Variants in ANK2 observed in about 807,000 individuals in gnomAD.
The protein encoded by ANK2 is ankyrin-2.
A neutral mutation model predicts 360.5 loss-of-function variants in ANK2; 83 were observed. The observed-to-expected ratio is 0.23, with a 90% confidence interval of 0.19 to 0.28. ANK2 has a LOEUF of 0.28. Ranked by LOEUF, ANK2 falls within the 10% of genes least tolerant of loss-of-function variation. The probability of loss-of-function intolerance (pLI) is 1.00; values close to 1 mark genes in which losing one functional copy is unlikely to be tolerated. For missense variants in ANK2, 4,201 were observed against 4,795.7 expected, an observed-to-expected ratio of 0.88 and a Z score of 3.66; for synonymous variants, 1,740 against 1,759.5, an observed-to-expected ratio of 0.99 and a Z score of 0.28.
At chr4:113,091,343 A>G (rs2087967676) in intron 1 of ANK2, among the ~76,000 whole-genome samples, 1 of 152,230 alleles carries the variant, frequency 6.6e-6, no homozygotes, top group Admixed American at 6.5e-5. Flanking sequence ...TCAGGAATTT[A>G]GGCAAACTAA....
intron 2 of ANK2, among the ~76,000 whole-genome samples, chr4:112,996,122 A>G (rs2048425221): frequency 6.6e-6 from 1 of 152,226 alleles, no homozygotes; most frequent in African/African-American, 2.4e-5. Context: ...CTATTAATAC[A>G]TGCAATAACA....
At chr4:112,956,696 CTTGA>C (rs1191116271) in intron 2 of ANK2, among the ~76,000 whole-genome samples, 1 of 152,188 alleles carries the variant, frequency 6.6e-6, no homozygotes, top group East Asian at 1.9e-4. Flanking sequence ...GTTTTCAGAA[CTTGA>C]TTGATTGATG....
intron 2 of ANK2, among the ~76,000 whole-genome samples, chr4:112,925,600 T>C (rs182342523): frequency 2.6e-5 from 4 of 152,306 alleles, no homozygotes; most frequent in Admixed American, 6.5e-5. Flanking sequence ...TTCCCAATAA[T>C]AGTGATAGTA....
At chr4:113,280,267 C>T (rs2061784750) in intron 17 of ANK2, among the ~76,000 whole-genome samples, 1 of 152,072 alleles carries the variant, frequency 6.6e-6, no homozygotes, top group Non-Finnish European at 1.5e-5. Flanking sequence ...TAAGAGAAGA[C>T]CTAGATTATA....
chr4:112,952,185 A>C (rs1444731276), intron 2 of ANK2, among the ~76,000 whole-genome samples: 1 of 152,234 alleles, frequency 6.6e-6, no homozygotes, highest in East Asian at 1.9e-4. Flanking sequence ...GATGCACAGT[A>C]GCACTCCATT....
chr4:112,801,449 C>G, the ANK2 span, among the ~76,000 whole-genome samples: 1 of 152,058 alleles, frequency 6.6e-6, no homozygotes, highest in Non-Finnish European at 1.5e-5. Flanking sequence ...TGAACTGATC[C>G]TGTGGTCTAG....
intron 1 of ANK2, among the ~76,000 whole-genome samples, chr4:113,107,792 A>G (rs1028997916): frequency 5.3e-5 from 8 of 152,120 alleles, no homozygotes; most frequent in African/African-American, 1.7e-4. Flanking sequence ...TGGTTCTGTT[A>G]GGTAGATATT....
At chr4:112,994,677 G>C (rs942973652) in intron 2 of ANK2, among the ~76,000 whole-genome samples, 5 of 152,158 alleles carry the variant, frequency 3.3e-5, no homozygotes, top group African/African-American at 1.2e-4. Flanking sequence ...GCGTGATGCT[G>C]AGGTTTGGGG....
rs138943622 is a variant in ANK2 at position 113,372,775 on chromosome 4, G to A, written c.11611-315G>A. 6.8e-3 allele frequency: 4,471 copies of A among 661,018 alleles called. 29 individuals carry two copies. Among genetic ancestry groups the A allele is most frequent in the Middle Eastern group, 0.013 (35 of 2,770 alleles). 40.9% of individuals were successfully genotyped at this position (661,018 alleles called of 1,614,324 possible). A position where few individuals can be genotyped will look rare whatever the true frequency, so the allele number is the denominator to read the frequency against. On this transcript the variant is annotated intron_variant, in intron 43 of 45. Transcript: ENST00000357077. ...CCCTTAACTCTCATAAGTTCTGTTTGCAAACAAATGCAGTGGTTCCAGCTT... is the reference window on the plus strand; with the variant it reads ...CCCTTAACTCTCATAAGTTCTGTTTACAAACAAATGCAGTGGTTCCAGCTT...
intron 2 of ANK2, among the ~76,000 whole-genome samples, chr4:113,176,311 T>G (rs2098196906): frequency 6.6e-6 from 1 of 152,238 alleles, no homozygotes; most frequent in Non-Finnish European, 1.5e-5. Flanking sequence ...GTTTAGTTTT[T>G]AACTCTTTGG....
intron 1 of ANK2, among the ~76,000 whole-genome samples, chr4:113,125,421 TAA>T (rs1216557084): frequency 2.0e-5 from 3 of 152,140 alleles, no homozygotes; most frequent in Admixed American, 2.0e-4. Flanking sequence ...ATGTGAAATC[TAA>T]GATTATAAAA....
In ANK2 at chr4:113,343,052, C is replaced by G. The variant is rs567608851; in HGVS notation, c.4158C>G (p.Phe1386Leu). The G allele has an allele frequency of 6.2e-7, 1 of 1,613,932 alleles. No homozygotes were observed. The highest frequency in any genetic ancestry group is 1.7e-4 in the Middle Eastern group (1 of 6,058). Residue 1386 changes from phenylalanine to leucine, a missense_variant, in exon 34 of 46, where the codon TTC (phenylalanine) becomes TTG (leucine). Phe to Leu is a conservative substitution (Grantham distance 22, BLOSUM62 0). Transcript: ENST00000357077. ...LEGKPIYVDCFGNLVPLTKSG... is the reference protein window; with the variant it reads ...LEGKPIYVDCLGNLVPLTKSG... ...GAAAACCCATCTACGTTGATTGTTT[C>G]GGCAACTTGGTACCATTAACTAAAA... is the stretch of plus-strand genomic sequence containing the variant.
chr4:113,060,559 A>G (rs1445024427), intron 1 of ANK2, among the ~76,000 whole-genome samples: 1 of 152,048 alleles, frequency 6.6e-6, no homozygotes, highest in African/African-American at 2.4e-5. Flanking sequence ...GAATACAACA[A>G]TCTTTTACAC....
the ANK2 span, among the ~76,000 whole-genome samples, chr4:112,745,192 C>T: frequency 2.0e-5 from 3 of 152,072 alleles, no homozygotes; most frequent in Non-Finnish European, 4.4e-5. Flanking sequence ...ATACATTCAC[C>T]TATTATATAG....
At chr4:112,906,873 T>C (rs1243678946) in intron 2 of ANK2, among the ~76,000 whole-genome samples, 1 of 152,192 alleles carries the variant, frequency 6.6e-6, no homozygotes, top group African/African-American at 2.4e-5. Context: ...CTTAAATTTA[T>C]AAGTGTATTA....
chr4:112,983,165 A>G (rs2043658964), intron 2 of ANK2, among the ~76,000 whole-genome samples: 2 of 152,240 alleles, frequency 1.3e-5, no homozygotes, highest in South Asian at 4.1e-4. Flanking sequence ...ATTTTAAAAT[A>G]ACATGAATTT....
intron 26 of ANK2, among the ~76,000 whole-genome samples, chr4:113,325,449 GA>G (rs2089281834): frequency 2.0e-5 from 3 of 152,208 alleles, no homozygotes; most frequent in Middle Eastern, 6.8e-3. Flanking sequence ...TAAGAAAACT[GA>G]AATCTAAAGA....
the ANK2 span, among the ~76,000 whole-genome samples, chr4:112,809,658 G>T: frequency 6.6e-6 from 1 of 150,800 alleles, no homozygotes; most frequent in African/African-American, 2.4e-5. Flanking sequence ...GCGGCGGACA[G>T]ATAGCATGAG....
At chr4:113,083,117 G>T (rs564367471) in intron 1 of ANK2, among the ~76,000 whole-genome samples, 1 of 151,820 alleles carries the variant, frequency 6.6e-6, no homozygotes, top group East Asian at 1.9e-4. Flanking sequence ...AAGTTTTAGG[G>T]TATATGTGCA....
Sources: gnomAD v4.1 joint callset for allele counts (sites outside exome capture counted in the v4.1 genomes callset) on GRCh38, gnomAD v4.1.1 for gene constraint, MANE v1.5 for transcripts, NCBI Gene and HGNC (gene_info 2026-07-23, HGNC 2026-07-21) for gene names.